The following GPD1L variants were observed in gnomAD, a reference collection of about 807,000 sequenced individuals.
GPD1L encodes glycerol-3-phosphate dehydrogenase 1 like, also known as glycerol-3-phosphate dehydrogenase 1-like protein.
GPD1L carries 17 observed loss-of-function variants against 32.9 expected under a neutral mutation model. The observed-to-expected ratio is 0.52, with a 90% CI of 0.35 to 0.78. The LOEUF (loss-of-function observed/expected upper bound fraction) is 0.78. Among genes scored for constraint, GPD1L ranks in the 30% least tolerant of loss-of-function variants. The probability of loss-of-function intolerance (pLI) is 0.01; values close to 1 mark genes in which losing one functional copy is unlikely to be tolerated. For missense variants in GPD1L, 361 were observed against 447.8 expected (o/e 0.81, Z 1.75); for synonymous variants, 187 against 165.9 (o/e 1.13, Z -0.98).
chr3:32,139,863 C>T (rs978335192), intron 3 of GPD1L, among the ~76,000 whole-genome samples: 7 of 152,104 alleles, frequency 4.6e-5, no homozygotes, highest in Admixed American at 2.0e-4. Flanking sequence ...GGGATAATGA[C>T]GTATAACATT....
At position 32,166,238 on chromosome 3, in the gene GPD1L, G is replaced by A; in HGVS notation, c.*328G>A. 2.7e-6 allele frequency: 1 copy of A among 373,756 alleles called. No homozygotes were observed. Among genetic ancestry groups the A allele is most frequent in the East Asian group, 6.5e-5 (1 of 15,488 alleles). The allele number at this position is 373,756 out of a possible 1,614,324, so 23.2% of individuals were successfully genotyped here. A position where few individuals can be genotyped will look rare whatever the true frequency, so the allele number is the denominator to read the frequency against. On this transcript the variant is annotated 3_prime_UTR_variant, in exon 8 of 8. Coordinates refer to ENST00000282541, the MANE Select transcript of GPD1L (RefSeq NM_015141.4). The stretch of plus-strand genomic sequence containing the variant: ...AGCTTATAAGATTGGAACGATCTCA[G>A]CCAAATATTTTAGGTGTAATTCATA...
intron 5 of GPD1L, among the ~76,000 whole-genome samples, chr3:32,155,796 T>C (rs1464571033): frequency 6.6e-6 from 1 of 152,156 alleles, no homozygotes; most frequent in African/African-American, 2.4e-5. Context: ...CCTTGAAAAG[T>C]CTTGTCCAAG....
intron 7 of GPD1L, among the ~76,000 whole-genome samples, chr3:32,165,239 A>G (rs545016199): frequency 2.0e-5 from 3 of 152,288 alleles, no homozygotes; most frequent in African/African-American, 4.8e-5. Context: ...AGCCTGATGA[A>G]ATTATTTCTT....
In GPD1L at chr3:32,165,956, A is replaced by G. The variant is rs769996606; in HGVS notation, c.*46A>G. The G allele has an allele frequency of 1.9e-5, 20 of 1,069,808 alleles. No individual in the cohort carries two copies. The highest frequency in any genetic ancestry group is 2.9e-5 in the Non-Finnish European group (20 of 683,254). The allele number at this position is 1,069,808 out of a possible 1,614,324, so 66.3% of individuals were successfully genotyped here. On this transcript the variant is annotated 3_prime_UTR_variant, in exon 8 of 8. Coordinates refer to ENST00000282541, the MANE Select transcript of GPD1L (RefSeq NM_015141.4). ...GGGGGAAGTTCTGCCTTTCTGATCAATCTTTTGGGTTCACGTGGAAACCAG... is the reference window on the plus strand; with the variant it reads ...GGGGGAAGTTCTGCCTTTCTGATCAGTCTTTTGGGTTCACGTGGAAACCAG...
chr3:32,145,464 T>C (rs144314225), intron 4 of GPD1L, among the ~76,000 whole-genome samples: 70 of 152,346 alleles, frequency 4.6e-4, no homozygotes, highest in Non-Finnish European at 8.1e-4. Flanking sequence ...AAGGAACCCA[T>C]AGACCCTACC....
At chr3:32,146,489 A>T (rs999804617) in intron 4 of GPD1L, 133 bp from the exon 5 acceptor site, 10 of 685,518 alleles carry the variant, frequency 1.5e-5, no homozygotes, top group Non-Finnish European at 2.7e-5. Flanking sequence ...TTCTGCTCCT[A>T]TGTGTTTTCT....
At chr3:32,138,418 C>A (rs541219065) in intron 2 of GPD1L, among the ~76,000 whole-genome samples, 169 bp from the exon 3 acceptor site, 1 of 152,132 alleles carries the variant, frequency 6.6e-6, no homozygotes, top group African/African-American at 2.4e-5. Context: ...CTGCTTCAGA[C>A]CCCCATAAGG....
intron 1 of GPD1L, among the ~76,000 whole-genome samples, chr3:32,115,609 C>G (rs964689441): frequency 6.6e-6 from 1 of 152,046 alleles, no homozygotes; most frequent in African/African-American, 2.4e-5. Flanking sequence ...TTTCTCCAGT[C>G]CTGGAGGAGG....
chr3:32,158,474 AAATTCTTC>A, intron 5 of GPD1L: 1 of 308,178 alleles, frequency 3.2e-6, no homozygotes. Flanking sequence ...CAGTTTGTGA[AAATTCTTC>A]AATCCGTGCA....
chr3:32,161,232 A>G (rs1407075021), intron 7 of GPD1L, among the ~76,000 whole-genome samples: 1 of 152,192 alleles, frequency 6.6e-6, no homozygotes, highest in African/African-American at 2.4e-5. Context: ...AAAGTTAAAA[A>G]TGAGGGTGGA....
chr3:32,165,150 GAGACA>G (rs1241713857), intron 7 of GPD1L, among the ~76,000 whole-genome samples: 1 of 152,182 alleles, frequency 6.6e-6, no homozygotes, highest in Non-Finnish European at 1.5e-5. Context: ...AGGTTGCAGT[GAGACA>G]AGATCATGCC....
intron 1 of GPD1L, among the ~76,000 whole-genome samples, chr3:32,115,756 A>C (rs1700323246): frequency 1.2e-5 from 1 of 86,616 alleles, no homozygotes; most frequent in African/African-American, 3.2e-5. Context: ...GTGTACGTTG[A>C]ACTTTTTTTT....
intron 5 of GPD1L, 145 bp from the exon 6 acceptor site, chr3:32,158,731 C>T (rs1414415812): frequency 2.0e-6 from 3 of 1,516,920 alleles, no homozygotes; most frequent in East Asian, 4.9e-5. Context: ...CCCAGGTGTA[C>T]AAGAGCAGAG....
chr3:32,123,868 T>C (rs1700465125), intron 1 of GPD1L, among the ~76,000 whole-genome samples: 1 of 145,766 alleles, frequency 6.9e-6, no homozygotes, highest in African/African-American at 2.5e-5. Context: ...CATGCCTGAC[T>C]ATGCTTGTGT....
At chr3:32,112,662 T>C (rs932582915) in intron 1 of GPD1L, among the ~76,000 whole-genome samples, 1 of 152,100 alleles carries the variant, frequency 6.6e-6, no homozygotes, top group Non-Finnish European at 1.5e-5. Context: ...AATATAATAA[T>C]GACTACTATT....
Position 32,146,678 on chromosome 3 carries a change from T to A in GPD1L, c.562T>A (p.Phe188Ile). 1 of 1,613,900 alleles carries A rather than the reference T, an allele frequency of 6.2e-7. No individual in the cohort carries two copies. Among genetic ancestry groups the A allele is most frequent in the Non-Finnish European group, 8.5e-7 (1 of 1,179,810 alleles). ...LFKELLQTPN[F>I]RITVVDDADT... ...CAAAGAACTTCTGCAGACTCCAAAT[T>A]TTCGAATTACCGTGGTTGATGATGC... The change falls in exon 5 of 8, where the codon TTT (phenylalanine) becomes ATT (isoleucine). Residue 188 changes from phenylalanine (F) to isoleucine (I), a missense_variant. Transcript: ENST00000282541.
chr3:32,165,113 G>A (rs997612972), intron 7 of GPD1L, among the ~76,000 whole-genome samples: 2 of 152,210 alleles, frequency 1.3e-5, no homozygotes, highest in Non-Finnish European at 2.9e-5. Context: ...GACTGAGGCA[G>A]CAGAATCGCT....
chr3:32,133,391 G>T (rs1210909706), intron 2 of GPD1L, among the ~76,000 whole-genome samples: 1 of 152,180 alleles, frequency 6.6e-6, no homozygotes, highest in South Asian at 2.1e-4. Context: ...AAGATTCATG[G>T]ATTTTAGGGG....
intron 3 of GPD1L, among the ~76,000 whole-genome samples, 190 bp downstream of exon 3, chr3:32,138,917 T>C (rs1050672695): frequency 6.6e-6 from 1 of 152,116 alleles, no homozygotes; most frequent in East Asian, 1.9e-4. Flanking sequence ...GTGGGCTGCT[T>C]TCCATTGCAG....
Sources: allele counts gnomAD v4.1 joint callset (sites outside exome capture counted in the v4.1 genomes callset), GRCh38; gene constraint gnomAD v4.1.1; transcripts MANE v1.5; gene names NCBI Gene and HGNC (gene_info 2026-07-23, HGNC 2026-07-21).